The following NFIA variants were observed in gnomAD, a reference collection of about 807,000 sequenced individuals.
NFIA encodes nuclear factor I A.
A neutral mutation model predicts 62.8 loss-of-function variants in NFIA; 8 were observed. The observed-to-expected ratio is 0.13, with a 90% CI of 0.07 to 0.23. NFIA has a LOEUF of 0.23. Among genes scored for constraint, NFIA ranks in the 10% least tolerant of loss-of-function variants. The pLI is 1.00. For synonymous variants in NFIA, 235 were observed against 238.1 expected, an observed-to-expected ratio of 0.99 and a Z score of 0.12; for missense variants, 410 against 642.1, an observed-to-expected ratio of 0.64 and a Z score of 3.91.
intron 6 of NFIA, among the ~76,000 whole-genome samples, chr1:61,377,985 C>T (rs970836767): frequency 6.6e-6 from 1 of 152,134 alleles, no homozygotes; most frequent in Non-Finnish European, 1.5e-5. Context: ...GCTCCTTTGA[C>T]TCCTAAAAAT....
In NFIA at chr1:61,160,669, A is replaced by G. The variant is rs114449971; in HGVS notation, c.559+71989A>G. On this transcript the variant is annotated intron_variant, in intron 2 of 10. Transcript: ENST00000403491. ...TAATTGCATTGACTTACACTGGTCT[A>G]GCTTATCCAGTTTTGGGGCTGCTTT... Among the ~76,000 whole-genome samples, 1,378 of 152,338 alleles carry G rather than the reference A, an allele frequency of 9.0e-3. 23 individuals carry two copies. Among genetic ancestry groups the G allele is most frequent in the African/African-American group, 0.031 (1,290 of 41,568 alleles).
upstream of NFIA, chr1:61,081,959 C>T: frequency 6.4e-7 from 1 of 1,550,640 alleles, no homozygotes; most frequent in Non-Finnish European, 8.7e-7. Flanking sequence ...AATGTGCCGC[C>T]CGGCCTCCTC....
At chr1:61,292,211 G>A (rs1414119936) in intron 3 of NFIA, among the ~76,000 whole-genome samples, 1 of 152,060 alleles carries the variant, frequency 6.6e-6, no homozygotes, top group African/African-American at 2.4e-5. Context: ...GATTTCTTTG[G>A]ACACCGCAAA....
intron 2 of NFIA, among the ~76,000 whole-genome samples, chr1:61,173,241 G>C (rs1650086001): frequency 6.6e-6 from 1 of 152,178 alleles, no homozygotes; most frequent in Admixed American, 6.5e-5. Context: ...CTGAAGGAGA[G>C]ACAGATCTGA....
intron 6 of NFIA, among the ~76,000 whole-genome samples, chr1:61,364,663 A>G: frequency 6.6e-6 from 1 of 152,328 alleles, no homozygotes; most frequent in African/African-American, 2.4e-5. Context: ...TTAAAAAAAC[A>G]AATAATAATT....
chr1:61,258,388 T>TA (rs1458748668), intron 2 of NFIA, among the ~76,000 whole-genome samples: 2 of 152,346 alleles, frequency 1.3e-5, no homozygotes, highest in African/African-American at 4.8e-5. Context: ...AAATGCGTGC[T>TA]ACAATGAAAA....
At chr1:61,118,196 AAAAAAAAAAGAAAAG>A (rs998024806) in intron 2 of NFIA, among the ~76,000 whole-genome samples, 2 of 151,800 alleles carry the variant, frequency 1.3e-5, no homozygotes, top group African/African-American at 4.8e-5. Flanking sequence ...AAGAACAAAA[AAAAAAAAAAGAAAAG>A]AAAAAAAAGA....
chr1:61,333,998 T>G (rs553284737), intron 4 of NFIA, among the ~76,000 whole-genome samples: 1 of 152,104 alleles, frequency 6.6e-6, no homozygotes, highest in African/African-American at 2.4e-5. Flanking sequence ...AGACTCCATC[T>G]CAAAAAACAA....
intron 2 of NFIA, among the ~76,000 whole-genome samples, chr1:61,250,340 A>G (rs892425075): frequency 1.1e-4 from 16 of 152,206 alleles, no homozygotes; most frequent in African/African-American, 3.9e-4. Flanking sequence ...AGACAAAATT[A>G]GTTTTCACTT....
rs141602811 is a variant in NFIA at position 61,323,171 on chromosome 1, A to G, written c.626-9341A>G. On this transcript the variant is annotated intron_variant, in intron 3 of 10. Coordinates refer to ENST00000403491, the MANE Select transcript of NFIA (RefSeq NM_001134673.4). The stretch of plus-strand genomic sequence containing the variant: ...AGAGTACATTATTTCCATAATGGTG[A>G]CAATTTCTTAATGTGTCATGATAAA... Among the ~76,000 whole-genome samples, 71 of 152,340 alleles carry G rather than the reference A, an allele frequency of 4.7e-4. No individual in the cohort carries two copies. In the East Asian group the frequency reaches 0.012, roughly 25 times the overall value.
intron 2 of NFIA, among the ~76,000 whole-genome samples, chr1:61,139,927 T>A (rs1447383474): frequency 6.9e-6 from 1 of 144,358 alleles, no homozygotes; most frequent in Non-Finnish European, 1.5e-5. Flanking sequence ...ATGGGTCAAA[T>A]TAGCAGGATG....
At chr1:61,379,402 C>CTATTTTTTTTTTTTTT (rs1410203326) in intron 6 of NFIA, among the ~76,000 whole-genome samples, 2 of 98,252 alleles carry the variant, frequency 2.0e-5, no homozygotes, top group Admixed American at 1.2e-4. Context: ...TTTTCTTTTT[C>CTATTTTTTTTTTTTTT]TTTTTTTTTT....
intron 2 of NFIA, among the ~76,000 whole-genome samples, chr1:61,254,078 A>G (rs929209533): frequency 1.3e-5 from 2 of 152,218 alleles, no homozygotes; most frequent in African/African-American, 4.8e-5. Flanking sequence ...CTTCATAAAC[A>G]TAAAGTACTT....
At chr1:61,163,178 A>G (rs563741475) in intron 2 of NFIA, among the ~76,000 whole-genome samples, 3 of 152,320 alleles carry the variant, frequency 2.0e-5, no homozygotes, top group African/African-American at 7.2e-5. Flanking sequence ...ACTTGACATA[A>G]TATTCATGTT....
intron 3 of NFIA, among the ~76,000 whole-genome samples, chr1:61,287,808 A>T (rs1658603828): frequency 6.6e-6 from 1 of 152,366 alleles, no homozygotes; most frequent in Admixed American, 6.5e-5. Context: ...AACCAGTTGT[A>T]ATTCTCCACA....
chr1:61,135,709 A>G (rs1040492829), intron 2 of NFIA, among the ~76,000 whole-genome samples: 2 of 152,212 alleles, frequency 1.3e-5, no homozygotes, highest in Non-Finnish European at 2.9e-5. Flanking sequence ...AATCAATATT[A>G]TAGGCCTCAC....
At chr1:61,078,052 T>C (rs1341809370), upstream of NFIA, among the ~76,000 whole-genome samples, 2 of 152,142 alleles carry the variant, frequency 1.3e-5, no homozygotes, top group African/African-American at 4.8e-5. Flanking sequence ...TTTGATCCTC[T>C]AATCAATGGG....
At chr1:61,406,411 A>G (rs1025549861) in intron 8 of NFIA, 151 bp from the exon 9 acceptor site, 9 of 701,312 alleles carry the variant, frequency 1.3e-5, no homozygotes, top group South Asian at 2.1e-5. Flanking sequence ...ACATTTCCGT[A>G]TGGGCTTATG....
chr1:61,115,898 T>A (rs565857235), intron 2 of NFIA, among the ~76,000 whole-genome samples: 1 of 152,316 alleles, frequency 6.6e-6, no homozygotes, highest in East Asian at 1.9e-4. Context: ...ATGAAACTTT[T>A]GAAACTCTAA....
Sources: gnomAD v4.1 joint callset for allele counts (sites outside exome capture counted in the v4.1 genomes callset) on GRCh38, gnomAD v4.1.1 for gene constraint, MANE v1.5 for transcripts, NCBI Gene and HGNC (gene_info 2026-07-23, HGNC 2026-07-21) for gene names.